COL27A1: variants seen among roughly 807,000 people sequenced by gnomAD.
COL27A1 encodes collagen alpha-1(XXVII) chain.
In COL27A1, 106 loss-of-function variants were observed where a neutral mutation model predicts 251.3. The ratio of observed to expected loss-of-function variants is 0.42; its 90% CI spans 0.36 to 0.50. The LOEUF (loss-of-function observed/expected upper bound fraction) is 0.50. Among genes scored for constraint, COL27A1 ranks in the 20% least tolerant of loss-of-function variants. The pLI is 0.00. For missense variants in COL27A1, 2,325 were observed against 2,522.8 expected, an observed-to-expected ratio of 0.92 and a Z score of 1.68; for synonymous variants, 1,000 against 986.3, an observed-to-expected ratio of 1.01 and a Z score of -0.26.
At chr9:114,276,509 G>T (rs1254202395) in intron 37 of COL27A1, among the ~76,000 whole-genome samples, 2 of 152,222 alleles carry the variant, frequency 1.3e-5, no homozygotes, top group African/African-American at 4.8e-5. Flanking sequence ...GGAGGCTGAG[G>T]CAGGAGAATC....
At chr9:114,160,927 C>T (rs908819669) in intron 1 of COL27A1, among the ~76,000 whole-genome samples, 10 of 152,114 alleles carry the variant, frequency 6.6e-5, no homozygotes, top group East Asian at 3.9e-4. Context: ...CTGGAGAAGG[C>T]GTTCAGGGGA....
Position 114,282,571 on chromosome 9 carries a change from A to C in COL27A1, c.3879+7A>C. On this transcript the variant is annotated splice_region_variant and intron_variant, in intron 39 of 60. Transcript: ENST00000356083. ...GGGCAGCCTGGGACCAACGGTGAGG[A>C]CTCTCTGGCTGGGGTGGGGGAGTCA... 1 of 1,493,870 alleles carries C rather than the reference A, an allele frequency of 6.7e-7. No individual in the cohort carries two copies. The highest frequency in any genetic ancestry group is 8.9e-7 in the Non-Finnish European group (1 of 1,119,688). 92.5% of individuals were successfully genotyped at this position (1,493,870 alleles called of 1,614,324 possible). A position where few individuals can be genotyped will look rare whatever the true frequency, so the allele number is the denominator to read the frequency against.
At chr9:114,201,225 A>G (rs1010578619) in intron 7 of COL27A1, among the ~76,000 whole-genome samples, 1 of 152,202 alleles carries the variant, frequency 6.6e-6, no homozygotes, top group African/African-American at 2.4e-5. Flanking sequence ...TCCCCGAAAC[A>G]TTCCCTCTCC....
chr9:114,220,994 CAAAAAAA>C lies in COL27A1; in HGVS notation c.2421+1162_2421+1168del, dbSNP rs35673362. Reference sequence around the variant, plus strand: ...TGGGCAAGAGAGTGAGACTCTGTCTCAAAAAAAAAAAAAAAAAAGAAGCCGTTGTGAG... The same window carrying C: ...TGGGCAAGAGAGTGAGACTCTGTCTCAAAAAAAAAAAGAAGCCGTTGTGAG... On this transcript the variant is annotated intron_variant, in intron 13 of 60. Coordinates refer to ENST00000356083, the MANE Select transcript of COL27A1 (RefSeq NM_032888.4). Among the ~76,000 whole-genome samples, 129 of 107,770 alleles carry C rather than the reference CAAAAAAA, an allele frequency of 1.2e-3. 1 individual carries two copies. Among genetic ancestry groups the C allele is most frequent in the African/African-American group, 4.9e-3 (125 of 25,308 alleles). 70.7% of individuals were successfully genotyped at this position (107,770 alleles called of 152,430 possible).
In COL27A1 at chr9:114,205,142, A is replaced by T. The variant is rs1829859705; in HGVS notation, c.2165A>T (p.Glu722Val). ...CCTGGACCGGCAGGGCACCCCGGAG[A>T]ACAGGTGAGGGCCTCAGCCTCAGCC... is the stretch of plus-strand genomic sequence containing the variant. ...GYPGPAGHPG[E>V]QGQPGPEGSP... Residue 722 changes from glutamate (E) to valine (V), a missense_variant, in exon 8 of 61, where the codon GAA becomes GTA. Glu to Val is a moderately radical substitution (Grantham distance 121). Coordinates refer to ENST00000356083, the MANE Select transcript of COL27A1 (RefSeq NM_032888.4). The T allele has an allele frequency of 2.5e-6, 4 of 1,613,282 alleles. No individual in the cohort carries two copies. The highest frequency in any genetic ancestry group is 3.4e-6 in the Non-Finnish European group (4 of 1,179,958).
rs745629965 is a variant in COL27A1 at position 114,168,745 on chromosome 9, C to A, written c.1190C>A (p.Thr397Lys). The A allele has an allele frequency of 1.9e-5, 30 of 1,614,030 alleles. No homozygotes were observed. The highest frequency in any genetic ancestry group is 2.5e-5 in the Non-Finnish European group (29 of 1,180,040). ...CAGAAAACAGCTCCATCTTCATTTA[C>A]AAAGTCAGCCCTACCCACTCAGAAG... is the stretch of plus-strand genomic sequence containing the variant. ...PTQKTAPSSFTKSALPTQKQV... is the reference protein window; with the variant it reads ...PTQKTAPSSFKKSALPTQKQV... The change falls in exon 3 of 61, where the codon ACA becomes AAA. Residue 397 changes from threonine (T) to lysine (K), a missense_variant. Thr to Lys is a moderately conservative substitution (Grantham distance 78, BLOSUM62 -1). Around this residue, in one of 4 missense-constraint regions of COL27A1, gnomAD observed 1,183 missense variants for 1,144.1 expected, o/e 1.03. Coordinates refer to ENST00000356083, the MANE Select transcript of COL27A1 (RefSeq NM_032888.4).
At chr9:114,289,170 A>G in intron 44 of COL27A1, 72 bp from the exon 45 acceptor site, 1 of 464,080 alleles carries the variant, frequency 2.2e-6, no homozygotes, top group Non-Finnish European at 3.6e-6. Flanking sequence ...CTCCCCCTCC[A>G]GGCGGAGACT....
In COL27A1 at chr9:114,290,108, C is replaced by A; in HGVS notation, c.4257C>A (p.Val1419=). ...GKAGAPGRRG[V]QGLQGLPGPR... ...CAGGGGCCCCAGGCCGGAGGGGGGT[C>A]CAGGTGAGTGACTACAGCTGCTGTT... The change falls in exon 46 of 61, where the codon GTC becomes GTA. Residue 1419 remains valine (V), a synonymous_variant. Transcript: ENST00000356083. This position sits in a 1 kb window ranked among gnomAD's most constrained non-coding sequence, Gnocchi z 4.6. The A allele has an allele frequency of 6.2e-7, 1 of 1,611,608 alleles. No individual in the cohort carries two copies. The highest frequency in any genetic ancestry group is 8.5e-7 in the Non-Finnish European group (1 of 1,179,910).
In COL27A1 at chr9:114,258,702, G is replaced by T. The variant is rs1834116245; in HGVS notation, c.3195+108G>T. 5 of 1,158,566 alleles carry T rather than the reference G, an allele frequency of 4.3e-6. No homozygotes were observed. The East Asian group carries it at 1.0e-4, about 23-fold the overall frequency. The allele number at this position is 1,158,566 out of a possible 1,614,324, so 71.8% of individuals were successfully genotyped here. On this transcript the variant is annotated intron_variant, in intron 28 of 60. Transcript: ENST00000356083. ...GGCTTTGCCCCTAGCCCAGCTCTGG[G>T]ATCTGTGACTTTCATAGCACAAGGC...
intron 27 of COL27A1, among the ~76,000 whole-genome samples, chr9:114,253,680 C>T (rs1441505566): frequency 6.6e-6 from 1 of 152,142 alleles, no homozygotes; most frequent in African/African-American, 2.4e-5. Context: ...TTCTCCAAGC[C>T]TGAATTTTGC....
intron 41 of COL27A1, among the ~76,000 whole-genome samples, chr9:114,287,777 G>A (rs540140499): frequency 1.3e-5 from 2 of 152,298 alleles, no homozygotes; most frequent in Non-Finnish European, 2.9e-5. Flanking sequence ...AGGGTAGGAG[G>A]TTCATCCTAA....
intron 14 of COL27A1, among the ~76,000 whole-genome samples, chr9:114,222,571 T>C (rs1831195448): frequency 6.6e-6 from 1 of 152,182 alleles, no homozygotes; most frequent in Admixed American, 6.5e-5. Context: ...GAACACAAGA[T>C]TGCCAAAGCC....
At chr9:114,221,981 A>G (rs1831141322) in intron 13 of COL27A1, among the ~76,000 whole-genome samples, 1 of 152,248 alleles carries the variant, frequency 6.6e-6, no homozygotes, top group African/African-American at 2.4e-5. Flanking sequence ...CAATGGGAAG[A>G]TACTGGATTT....
At chr9:114,279,991 C>T (rs544462511) in intron 37 of COL27A1, among the ~76,000 whole-genome samples, 23 of 151,394 alleles carry the variant, frequency 1.5e-4, no homozygotes, top group Non-Finnish European at 2.5e-4. Context: ...CTTTGAAATC[C>T]AGTGTATAGT....
chr9:114,309,212 G>A lies in COL27A1; in HGVS notation c.5218-48G>A, dbSNP rs771031754. The A allele has an allele frequency of 2.3e-5, 36 of 1,541,736 alleles. No homozygotes were observed. The South Asian group carries it at 3.0e-4, about 13-fold the overall frequency. The stretch of plus-strand genomic sequence containing the variant: ...AGAGGCAGGGAACCCTCGGTGTGGG[G>A]GGTGTGGGGGGCAGCCTGAGCCGCT... On this transcript the variant is annotated intron_variant, in intron 59 of 60. Transcript: ENST00000356083.
intron 49 of COL27A1, 127 bp from the exon 50 acceptor site, chr9:114,299,943 C>A: frequency 1.2e-6 from 1 of 836,626 alleles, no homozygotes; most frequent in South Asian, 1.5e-5. Context: ...TTGGTCGCTT[C>A]ACAGAGGAGT....
chr9:114,250,518 G>A (rs1314125445), intron 24 of COL27A1, 97 bp from the exon 25 acceptor site: 11 of 1,140,194 alleles, frequency 9.6e-6, no homozygotes, highest in African/African-American at 3.1e-5. Context: ...AGGCACGGGT[G>A]GGAGACACCT....
In COL27A1 at chr9:114,284,772, G is replaced by A. The variant is rs769508193; in HGVS notation, c.3982G>A (p.Glu1328Lys). The A allele has an allele frequency of 2.6e-5, 42 of 1,614,084 alleles. No individual in the cohort carries two copies. The highest frequency in any genetic ancestry group is 7.7e-5 in the South Asian group (7 of 91,086). ...GPLGPPGPKGEKGEQGEDGKA... is the reference protein window; with the variant it reads ...GPLGPPGPKGKKGEQGEDGKA... ...CCTTGGACCTCCTGGACCAAAAGGC[G>A]AAAAGGTGGGTGTTTGCTCTGGGGA... Residue 1328 changes from glutamate to lysine, a missense_variant, in exon 41 of 61, where the codon GAA becomes AAA. By Grantham distance (56) the Glu-to-Lys change is moderately conservative. Coordinates refer to ENST00000356083, the MANE Select transcript of COL27A1 (RefSeq NM_032888.4).
Position 114,168,437 on chromosome 9 carries a change from C to T in COL27A1, c.882C>T (p.Pro294=), listed in dbSNP as rs776884092. Residue 294 remains proline, a synonymous_variant, in exon 3 of 61, where the codon CCC becomes CCT. Coordinates refer to ENST00000356083, the MANE Select transcript of COL27A1 (RefSeq NM_032888.4). ...AGRGPRGTVA[P]ATPTKPQRTS... ...GGGGACCCAGGGGGACTGTGGCACCCGCCACGCCCACCAAGCCCCAAAGGA... is the reference window on the plus strand; with the variant it reads ...GGGGACCCAGGGGGACTGTGGCACCTGCCACGCCCACCAAGCCCCAAAGGA... 41 of 1,613,718 alleles carry T rather than the reference C, an allele frequency of 2.5e-5. No homozygotes were observed. The highest frequency in any genetic ancestry group is 1.8e-4 in the Admixed American group (11 of 60,010).
Sources: gnomAD v4.1 joint callset for allele counts (sites outside exome capture counted in the v4.1 genomes callset) on GRCh38, gnomAD v4.1.1 for gene constraint, gnomAD v4.1.1 regional missense constraint, Gnocchi (gnomAD v3.1) non-coding constraint, MANE v1.5 for transcripts, NCBI Gene and HGNC (gene_info 2026-07-23, HGNC 2026-07-21) for gene names.